Variants in GRXCR2 observed in about 807,000 individuals in gnomAD.
The protein encoded by GRXCR2 is glutaredoxin and cysteine rich domain containing 2.
Under a neutral mutation model 24.8 loss-of-function variants are expected in GRXCR2, and 23 were observed. The observed-to-expected ratio is 0.93, with a 90% CI of 0.67 to 1.32. GRXCR2 has a LOEUF of 1.32. Among genes scored for constraint, GRXCR2 ranks in the 40% most tolerant of loss-of-function variants. The probability of loss-of-function intolerance (pLI) is 0.00; values close to 1 mark genes in which losing one functional copy is unlikely to be tolerated. For synonymous variants in GRXCR2, 130 were observed against 116.1 expected (o/e 1.12, Z -0.77); for missense variants, 315 against 303.4 (o/e 1.04, Z -0.28).
intron 2 of GRXCR2, among the ~76,000 whole-genome samples, chr5:145,891,142 A>G (rs1423164178): frequency 6.6e-6 from 1 of 152,164 alleles, no homozygotes; most frequent in Non-Finnish European, 1.5e-5. Context: ...CTATGAAAAG[A>G]CTTAAGGGGG....
At chr5:145,869,288 G>T (rs1369208795) in intron 1 of GRXCR2, among the ~76,000 whole-genome samples, 2 of 152,198 alleles carry the variant, frequency 1.3e-5, no homozygotes, top group African/African-American at 4.8e-5. Context: ...TTGTGAAGAT[G>T]AAATTATGCA....
At chr5:145,900,357 A>G (rs890380698) in intron 2 of GRXCR2, among the ~76,000 whole-genome samples, 2 of 152,126 alleles carry the variant, frequency 1.3e-5, no homozygotes, top group African/African-American at 4.8e-5. Context: ...AAGTTTCCTG[A>G]GGTCTCCCCA....
In GRXCR2 at chr5:145,872,963, C is replaced by T. The variant is rs749069699; in HGVS notation, c.6G>A (p.Glu2=). 2.5e-5 allele frequency: 41 copies of T among 1,613,518 alleles called. 1 individual carries two copies. In the South Asian group the frequency reaches 4.2e-4, roughly 16 times the overall value. The change falls in exon 1 of 3, where the codon GAG becomes GAA. Residue 2 remains glutamate, a synonymous_variant. Transcript: ENST00000377976. M[E]DPEKKLNQKS... ...TCTGATTCAGCTTTTTCTCAGGGTC[C>T]TCCATCAGCAGAAAGTTGACCCTGT...
rs148033609 is a variant in GRXCR2, at chr5:145,883,180, A to T, written c.-69-16452T>A. ...AGAACTTAAAGTATAATTAAAAAAA[A>T]GAAAAAGAAAAAAACCTGTATAGAA... On this transcript the variant is annotated intron_variant, in intron 2 of 3. Transcript: ENST00000639411. Among the ~76,000 whole-genome samples the T allele has an allele frequency of 7.2e-3, 1,099 of 152,268 alleles. 13 individuals are homozygous for T. Among genetic ancestry groups the T allele is most frequent in the African/African-American group, 0.025 (1,045 of 41,558 alleles).
At chr5:145,928,105 C>A (rs1040725751) in intron 2 of GRXCR2, among the ~76,000 whole-genome samples, 1 of 151,934 alleles carries the variant, frequency 6.6e-6, no homozygotes, top group Non-Finnish European at 1.5e-5. Context: ...TATGAACAGA[C>A]ACTTCTCAAA....
intron 2 of GRXCR2, among the ~76,000 whole-genome samples, chr5:145,888,428 A>G (rs1318963302): frequency 6.6e-6 from 1 of 152,212 alleles, no homozygotes; most frequent in Non-Finnish European, 1.5e-5. Context: ...CCAAGTGGGC[A>G]AGAACAATCC....
At chr5:145,889,172 A>AAAAAAAAAGAAAG (rs757883920) in intron 2 of GRXCR2, among the ~76,000 whole-genome samples, 11 of 84,046 alleles carry the variant, frequency 1.3e-4, no homozygotes, top group African/African-American at 5.2e-4. Context: ...CTGTCTCAAA[A>AAAAAAAAAGAAAG]AAAGAAAGAA....
At chr5:145,899,195 T>C (rs1756991827) in intron 2 of GRXCR2, among the ~76,000 whole-genome samples, 1 of 152,000 alleles carries the variant, frequency 6.6e-6, no homozygotes, top group South Asian at 2.1e-4. Flanking sequence ...GGAATACATC[T>C]AACCTAGGAG....
At chr5:145,869,355 T>C (rs1342899206) in intron 1 of GRXCR2, among the ~76,000 whole-genome samples, 4 of 152,214 alleles carry the variant, frequency 2.6e-5, no homozygotes, top group African/African-American at 9.6e-5. Flanking sequence ...CCCTTCCATT[T>C]TCTTTGAACC....
At chr5:145,860,691 T>C (rs1049143681) in intron 2 of GRXCR2, among the ~76,000 whole-genome samples, 2 of 152,324 alleles carry the variant, frequency 1.3e-5, no homozygotes, top group Non-Finnish European at 2.9e-5. Flanking sequence ...AGCTCTGTAC[T>C]TTGGAGTTAA....
upstream of GRXCR2, among the ~76,000 whole-genome samples, chr5:145,873,485 C>T (rs1173299703): frequency 6.6e-6 from 1 of 152,158 alleles, no homozygotes; most frequent in Admixed American, 6.5e-5. Context: ...AGGCTTAGAG[C>T]CACTTGTCAT....
chr5:145,903,321 A>G (rs1007745664), intron 2 of GRXCR2, among the ~76,000 whole-genome samples: 7 of 152,162 alleles, frequency 4.6e-5, no homozygotes, highest in Non-Finnish European at 7.4e-5. Context: ...GTGGCTGAAG[A>G]CAGGTAGTGC....
upstream of GRXCR2, among the ~76,000 whole-genome samples, chr5:145,875,485 G>A (rs1756599233): frequency 6.6e-6 from 1 of 151,930 alleles, no homozygotes; most frequent in Admixed American, 6.6e-5. Flanking sequence ...GGAGGCAGAG[G>A]TTGCAGTGAG....
At chr5:145,862,727 T>C (rs868867336) in intron 2 of GRXCR2, among the ~76,000 whole-genome samples, 3 of 152,160 alleles carry the variant, frequency 2.0e-5, no homozygotes, top group Admixed American at 2.0e-4. Context: ...ATAATAGGGT[T>C]ATTATGGTCA....
chr5:145,881,478 A>G (rs1756700138), intron 2 of GRXCR2, among the ~76,000 whole-genome samples: 1 of 152,206 alleles, frequency 6.6e-6, no homozygotes, highest in South Asian at 2.1e-4. Flanking sequence ...AGGGATGTGA[A>G]GGACCTCTTC....
intron 2 of GRXCR2, among the ~76,000 whole-genome samples, chr5:145,899,167 C>CA (rs1269723884): frequency 1.3e-5 from 2 of 151,822 alleles, no homozygotes; most frequent in African/African-American, 2.4e-5. Context: ...AATAGCCACA[C>CA]AAAAAATAAA....
intron 2 of GRXCR2, among the ~76,000 whole-genome samples, chr5:145,919,384 C>T (rs1032982390): frequency 1.3e-5 from 2 of 152,184 alleles, no homozygotes; most frequent in African/African-American, 4.8e-5. Flanking sequence ...CACAAGAACG[C>T]TGTGATGCAA....
intron 2 of GRXCR2, among the ~76,000 whole-genome samples, chr5:145,888,892 G>C (rs1275757744): frequency 2.6e-5 from 4 of 151,998 alleles, no homozygotes; most frequent in African/African-American, 9.7e-5. Context: ...TGACACAATG[G>C]GCCGGGTGCA....
At chr5:145,910,751 G>T (rs2149925404) in intron 2 of GRXCR2, among the ~76,000 whole-genome samples, 1 of 152,286 alleles carries the variant, frequency 6.6e-6, no homozygotes, top group South Asian at 2.1e-4. Flanking sequence ...ATACAGGGTT[G>T]AGACTGAAGG....
Sources: gnomAD v4.1 joint callset for allele counts (sites outside exome capture counted in the v4.1 genomes callset) on GRCh38, gnomAD v4.1.1 for gene constraint, MANE v1.5 for transcripts, NCBI Gene and HGNC (gene_info 2026-07-23, HGNC 2026-07-21) for gene names.